Variants in CNOT6L observed in about 807,000 individuals in gnomAD.
CNOT6L encodes CCR4-NOT transcription complex subunit 6 like, also known as CCR4-NOT transcription complex subunit 6-like.
In CNOT6L, 7 loss-of-function variants were observed where a neutral mutation model predicts 64.0. That is an observed-to-expected ratio of 0.11 (90% CI 0.06 to 0.21). The LOEUF (loss-of-function observed/expected upper bound fraction) is 0.21, where lower values mean the gene tolerates loss of function less well. Ranked by LOEUF, CNOT6L falls within the 10% of genes least tolerant of loss-of-function variation. The pLI is 1.00. For missense variants in CNOT6L, 245 were observed against 669.0 expected, an observed-to-expected ratio of 0.37 and a Z score of 6.99; for synonymous variants, 193 against 243.4, an observed-to-expected ratio of 0.79 and a Z score of 1.93.
At chr4:77,740,094 G>C (rs2109932595) in intron 8 of CNOT6L, among the ~76,000 whole-genome samples, 1 of 152,170 alleles carries the variant, frequency 6.6e-6, no homozygotes, top group Admixed American at 6.5e-5. Context: ...ATATCGTCAG[G>C]CACGGTGGCT....
intron 1 of CNOT6L, among the ~76,000 whole-genome samples, chr4:77,808,376 C>T (rs949689825): frequency 1.3e-5 from 2 of 150,040 alleles, no homozygotes; most frequent in Admixed American, 6.7e-5. Flanking sequence ...GCAGGAGAAT[C>T]GCTTGAACCT....
intron 1 of CNOT6L, among the ~76,000 whole-genome samples, chr4:77,803,521 A>G (rs1326463273): frequency 6.6e-6 from 1 of 152,240 alleles, no homozygotes; most frequent in East Asian, 1.9e-4. Context: ...TAGTGTTGAT[A>G]ATCATCAAAA....
chr4:77,746,830 C>A (rs1165818331), intron 6 of CNOT6L, among the ~76,000 whole-genome samples: 2 of 152,072 alleles, frequency 1.3e-5, no homozygotes, highest in Non-Finnish European at 2.9e-5. Context: ...CACTTAAACA[C>A]CAACATGCAA....
At chr4:77,757,196 A>T (rs1458344215) in intron 4 of CNOT6L, among the ~76,000 whole-genome samples, 1 of 152,188 alleles carries the variant, frequency 6.6e-6, no homozygotes, top group Non-Finnish European at 1.5e-5. Context: ...TATTAATCAT[A>T]GTCAATTCTG....
intron 11 of CNOT6L, 25 bp downstream of exon 11, chr4:77,726,142 C>A: frequency 6.3e-7 from 1 of 1,599,564 alleles, no homozygotes; most frequent in Non-Finnish European, 8.6e-7. Flanking sequence ...ATAATTTCTA[C>A]ACCTGCCCAA....
intron 4 of CNOT6L, among the ~76,000 whole-genome samples, chr4:77,766,661 A>G (rs1208980631): frequency 2.6e-5 from 4 of 151,966 alleles, no homozygotes; most frequent in Admixed American, 6.6e-5. Context: ...TCACTATAAG[A>G]TTAATTTTAA....
In CNOT6L at chr4:77,794,214, A is replaced by T. The variant is rs991017596; in HGVS notation, c.6-17822T>A. Among the ~76,000 whole-genome samples the T allele has an allele frequency of 2.8e-5, 4 of 145,442 alleles. No individual in the cohort carries two copies. In the Admixed American group the frequency reaches 2.8e-4, roughly 10 times the overall value. On this transcript the variant is annotated intron_variant, in intron 1 of 11. Coordinates refer to ENST00000504123, the MANE Select transcript of CNOT6L (RefSeq NM_144571.3). Reference sequence around the variant, plus strand: ...AGAAGGAAAGAGAGATTATAGTCTTATAGTCTGGTAGTTCTCAACCTTGGT... The same window carrying T: ...AGAAGGAAAGAGAGATTATAGTCTTTTAGTCTGGTAGTTCTCAACCTTGGT...
intron 5 of CNOT6L, among the ~76,000 whole-genome samples, chr4:77,755,377 T>C (rs912444189): frequency 6.6e-6 from 1 of 151,762 alleles, no homozygotes; most frequent in African/African-American, 2.4e-5. Flanking sequence ...CCACCACACC[T>C]GGCTGATTTT....
At chr4:77,760,585 A>T (rs1237390590) in intron 4 of CNOT6L, among the ~76,000 whole-genome samples, 1 of 151,842 alleles carries the variant, frequency 6.6e-6, no homozygotes, top group Non-Finnish European at 1.5e-5. Flanking sequence ...TTAAAAAAAA[A>T]AATACCGAAT....
At chr4:77,768,271 C>A (rs1727087733) in intron 4 of CNOT6L, among the ~76,000 whole-genome samples, 1 of 151,734 alleles carries the variant, frequency 6.6e-6, no homozygotes, top group African/African-American at 2.4e-5. Flanking sequence ...TCGAGACTAG[C>A]CTGGCCAGCA....
rs143477796 is a variant in CNOT6L at position 77,791,514 on chromosome 4, A to G, written c.6-15122T>C. On this transcript the variant is annotated intron_variant, in intron 1 of 11. Coordinates refer to ENST00000504123, the MANE Select transcript of CNOT6L (RefSeq NM_144571.3). ...GATTCACAAAATAAATGGGTATGTA[A>G]AAAGTTCAGTGTCCATTTAAACATC... 3.7e-3 allele frequency among the ~76,000 whole-genome samples: 566 copies of G among 152,330 alleles called. 5 individuals are homozygous for G. Among genetic ancestry groups the G allele is most frequent in the African/African-American group, 0.013 (540 of 41,574 alleles).
At chr4:77,811,385 A>G (rs1732917848) in intron 1 of CNOT6L, among the ~76,000 whole-genome samples, 1 of 152,118 alleles carries the variant, frequency 6.6e-6, no homozygotes, top group Non-Finnish European at 1.5e-5. Context: ...TACTAAAAGT[A>G]CAAAATCCCG....
rs1445207556 is a variant in CNOT6L, at chr4:77,718,348, G to A, written c.*2083C>T. ...AAAAAGGTAATGTCCACAAAATTAA[G>A]TTTTTCATGCTATTCTACTTTCCAG... is the stretch of plus-strand genomic sequence containing the variant. On this transcript the variant is annotated 3_prime_UTR_variant, in exon 12 of 12. Coordinates refer to ENST00000504123, the MANE Select transcript of CNOT6L (RefSeq NM_144571.3). The A allele has an allele frequency of 2.0e-5, 3 of 152,478 alleles. No individual in the cohort carries two copies. The highest frequency in any genetic ancestry group is 7.2e-5 in the African/African-American group (3 of 41,422). 9.4% of individuals were successfully genotyped at this position (152,478 alleles called of 1,614,324 possible).
chr4:77,744,646 C>A, intron 7 of CNOT6L, 72 bp downstream of exon 7: 1 of 1,294,504 alleles, frequency 7.7e-7, no homozygotes. Context: ...GGATCTCTCC[C>A]AGTGGTCAGA....
At chr4:77,778,709 C>A (rs570784654) in intron 1 of CNOT6L, among the ~76,000 whole-genome samples, 145 of 151,762 alleles carry the variant, frequency 9.6e-4, no homozygotes, top group African/African-American at 3.5e-3. Context: ...GGATTACAGG[C>A]GTGAGCCACG....
Position 77,742,229 on chromosome 4 carries a change from A to G in CNOT6L, c.784T>C (p.Phe262Leu). Residue 262 changes from phenylalanine (F) to leucine (L), a missense_variant, in exon 8 of 12, where the codon TTT becomes CTT. Transcript: ENST00000504123. The part of the protein sequence containing the change: ...PALKERGYDG[F>L]FSPKSRAKIM... Reference sequence around the variant, plus strand: ...TTGGCACGTGACTTTGGAGAAAAAAATCCATCATATCCACGCTCCTTCAAT... The same window carrying G: ...TTGGCACGTGACTTTGGAGAAAAAAGTCCATCATATCCACGCTCCTTCAAT... 1 of 1,613,194 alleles carries G rather than the reference A, an allele frequency of 6.2e-7. No homozygotes were observed.
chr4:77,766,384 C>A (rs1726821378), intron 4 of CNOT6L, among the ~76,000 whole-genome samples: 1 of 152,020 alleles, frequency 6.6e-6, no homozygotes, highest in Non-Finnish European at 1.5e-5. Flanking sequence ...CAAAAACATA[C>A]AGCAAGTATC....
At chr4:77,729,655 T>G (rs1246763380) in intron 9 of CNOT6L, among the ~76,000 whole-genome samples, 5 of 152,202 alleles carry the variant, frequency 3.3e-5, no homozygotes, top group Non-Finnish European at 4.4e-5. Flanking sequence ...GTTTTAGACT[T>G]GGCTTTCTTA....
At chr4:77,764,680 C>T (rs192217174) in intron 4 of CNOT6L, among the ~76,000 whole-genome samples, 9 of 152,230 alleles carry the variant, frequency 5.9e-5, no homozygotes, top group Admixed American at 5.2e-4. Flanking sequence ...CAACAGCAAT[C>T]GGCCAACTTT....
Sources: gnomAD v4.1 joint callset for allele counts (sites outside exome capture counted in the v4.1 genomes callset) on GRCh38, gnomAD v4.1.1 for gene constraint, MANE v1.5 for transcripts, NCBI Gene and HGNC (gene_info 2026-07-23, HGNC 2026-07-21) for gene names.